CLSTN2: variants seen among roughly 807,000 people sequenced by gnomAD.
CLSTN2 encodes calsyntenin-2.
In CLSTN2, 48 loss-of-function variants were observed where a neutral mutation model predicts 101.2. That is an observed-to-expected ratio of 0.47 (90% CI 0.38 to 0.60). CLSTN2 has a LOEUF of 0.60. CLSTN2 is among the 20% of genes least tolerant of loss of function. The pLI is 0.00. For missense variants in CLSTN2, 1,160 were observed against 1,238.2 expected, an observed-to-expected ratio of 0.94 and a Z score of 0.95; for synonymous variants, 481 against 463.6, an observed-to-expected ratio of 1.04 and a Z score of -0.48.
At chr3:140,223,399 T>A (rs914551360) in intron 2 of CLSTN2, among the ~76,000 whole-genome samples, 1 of 152,196 alleles carries the variant, frequency 6.6e-6, no homozygotes, top group Non-Finnish European at 1.5e-5. Flanking sequence ...TCCCAGCACC[T>A]GGACCAGCCC....
intron 5 of CLSTN2, among the ~76,000 whole-genome samples, chr3:140,443,186 A>G (rs1033955905): frequency 2.2e-4 from 34 of 152,362 alleles, no homozygotes; most frequent in African/African-American, 7.9e-4. Context: ...AGCCATTGGA[A>G]GCTGAGACTA....
chr3:139,974,542 A>G (rs1374215661), intron 1 of CLSTN2, among the ~76,000 whole-genome samples: 1 of 152,190 alleles, frequency 6.6e-6, no homozygotes, highest in Admixed American at 6.5e-5. Flanking sequence ...AAGAAAAGCA[A>G]CGTTTCCAGG....
chr3:140,267,408 C>T (rs992123325), intron 2 of CLSTN2, among the ~76,000 whole-genome samples: 5 of 152,140 alleles, frequency 3.3e-5, no homozygotes, highest in African/African-American at 9.7e-5. Flanking sequence ...CCACAAACTC[C>T]AATTCCTTGG....
chr3:140,346,407 G>T (rs968992587), intron 2 of CLSTN2, among the ~76,000 whole-genome samples: 2 of 152,250 alleles, frequency 1.3e-5, no homozygotes, highest in Middle Eastern at 6.8e-3. Flanking sequence ...TGTTTCTGGT[G>T]ACCCATACTC....
At chr3:140,176,216 G>C in intron 2 of CLSTN2, 143 bp downstream of exon 2, 1 of 876,526 alleles carries the variant, frequency 1.1e-6, no homozygotes, top group South Asian at 2.3e-5. Context: ...AAAGCTGTAT[G>C]CCTCTTATTT....
intron 1 of CLSTN2, among the ~76,000 whole-genome samples, chr3:139,983,705 A>G (rs981520561): frequency 6.6e-6 from 1 of 152,140 alleles, no homozygotes; most frequent in Non-Finnish European, 1.5e-5. Context: ...AGTTAATTAA[A>G]CTATGTAATA....
chr3:140,356,465 AG>A (rs1430913808), intron 2 of CLSTN2, among the ~76,000 whole-genome samples: 5 of 152,208 alleles, frequency 3.3e-5, no homozygotes, highest in African/African-American at 1.2e-4. Context: ...TTAATTAAAA[AG>A]AAAAATTCCA....
intron 1 of CLSTN2, among the ~76,000 whole-genome samples, chr3:139,971,215 A>C (rs780835847): frequency 1.3e-5 from 2 of 152,190 alleles, no homozygotes; most frequent in Non-Finnish European, 2.9e-5. Flanking sequence ...GATATTGAGG[A>C]GCTTCAGTGC....
At chr3:140,404,110 C>T (rs2088276957) in intron 3 of CLSTN2, among the ~76,000 whole-genome samples, 1 of 152,232 alleles carries the variant, frequency 6.6e-6, no homozygotes, top group Non-Finnish European at 1.5e-5. Flanking sequence ...GCTGGCCCAC[C>T]CCCGCAGACC....
At chr3:140,524,870 C>G (rs1317383434) in intron 8 of CLSTN2, among the ~76,000 whole-genome samples, 1 of 152,106 alleles carries the variant, frequency 6.6e-6, no homozygotes, top group Non-Finnish European at 1.5e-5. Context: ...AAAATTAAGG[C>G]AGAAATCAAA....
intron 1 of CLSTN2, among the ~76,000 whole-genome samples, chr3:140,173,499 C>G (rs2010271402): frequency 1.3e-5 from 2 of 152,202 alleles, no homozygotes; most frequent in Admixed American, 1.3e-4. Flanking sequence ...CAGTGGCTCT[C>G]TTCTCACAGC....
chr3:140,367,311 G>A (rs552339877), intron 2 of CLSTN2, among the ~76,000 whole-genome samples: 17 of 151,944 alleles, frequency 1.1e-4, no homozygotes, highest in Non-Finnish European at 1.8e-4. Flanking sequence ...TCAAGAGATC[G>A]AGACCATCGT....
intron 1 of CLSTN2, among the ~76,000 whole-genome samples, chr3:140,043,956 C>T (rs879954113): frequency 7.9e-5 from 12 of 152,138 alleles, no homozygotes; most frequent in African/African-American, 1.4e-4. Flanking sequence ...AGTCAGGTAG[C>T]GTGATGCCTC....
At chr3:140,063,467 AC>A (rs903948071) in intron 1 of CLSTN2, among the ~76,000 whole-genome samples, 1 of 152,172 alleles carries the variant, frequency 6.6e-6, no homozygotes, top group Non-Finnish European at 1.5e-5. Context: ...CTAACTGAGC[AC>A]CTGCCACATG....
intron 2 of CLSTN2, among the ~76,000 whole-genome samples, chr3:140,253,786 C>G (rs1055324918): frequency 6.6e-6 from 1 of 150,960 alleles, no homozygotes; most frequent in African/African-American, 2.4e-5. Flanking sequence ...TTTTTTTTCT[C>G]TTACAGTTAC....
chr3:140,245,503 G>A lies in CLSTN2; in HGVS notation c.232+69430G>A, dbSNP rs1009712666. ...AAGGCTTGGAAGGTGCAAAGAAAAAGGAGTGTGCAATCCTTAACCTAGATG... is the reference window on the plus strand; with the variant it reads ...AAGGCTTGGAAGGTGCAAAGAAAAAAGAGTGTGCAATCCTTAACCTAGATG... On this transcript the variant is annotated intron_variant, in intron 2 of 16. Transcript: ENST00000458420. Among the ~76,000 whole-genome samples, 3 of 152,162 alleles carry A rather than the reference G, an allele frequency of 2.0e-5. No individual in the cohort carries two copies. In the East Asian group the frequency reaches 5.8e-4, roughly 29 times the overall value.
chr3:140,170,879 A>C (rs1012326871), intron 1 of CLSTN2, among the ~76,000 whole-genome samples: 12 of 152,300 alleles, frequency 7.9e-5, no homozygotes, highest in Non-Finnish European at 1.6e-4. Flanking sequence ...AGGCCAGAGG[A>C]TTCACATAGG....
intron 9 of CLSTN2, among the ~76,000 whole-genome samples, chr3:140,535,574 A>G (rs1294294832): frequency 6.6e-6 from 1 of 152,252 alleles, no homozygotes; most frequent in East Asian, 1.9e-4. Context: ...GATCTCCCTT[A>G]GAGTTAGGTG....
intron 8 of CLSTN2, among the ~76,000 whole-genome samples, chr3:140,472,735 C>T (rs902006494): frequency 1.6e-4 from 24 of 152,174 alleles, no homozygotes; most frequent in Admixed American, 9.8e-4. Flanking sequence ...GGCAGAATTC[C>T]GAATGACTTT....
Sources: gnomAD v4.1 joint callset for allele counts (sites outside exome capture counted in the v4.1 genomes callset) on GRCh38, gnomAD v4.1.1 for gene constraint, MANE v1.5 for transcripts, NCBI Gene and HGNC (gene_info 2026-07-23, HGNC 2026-07-21) for gene names.